PBX1: variants seen among roughly 807,000 people sequenced by gnomAD.
PBX1 encodes PBX homeobox 1.
Under a neutral mutation model 53.4 loss-of-function variants are expected in PBX1, and 6 were observed. The observed-to-expected ratio is 0.11, with a 90% CI of 0.06 to 0.22. The LOEUF is 0.22. Among genes scored for constraint, PBX1 ranks in the 10% least tolerant of loss-of-function variants. The pLI is 1.00. For synonymous variants in PBX1, 204 were observed against 212.3 expected, an observed-to-expected ratio of 0.96 and a Z score of 0.34; for missense variants, 251 against 551.4, an observed-to-expected ratio of 0.46 and a Z score of 5.46.
intron 2 of PBX1, among the ~76,000 whole-genome samples, chr1:164,858,447 GCACACACACA>G (rs4035257): frequency 8.3e-4 from 124 of 148,628 alleles, no homozygotes; most frequent in African/African-American, 2.8e-3. Context: ...CCCAGAGCCA[GCACACACACA>G]CACACACACA....
chr1:164,743,103 A>G (rs1434324699), intron 2 of PBX1, among the ~76,000 whole-genome samples: 1 of 152,226 alleles, frequency 6.6e-6, no homozygotes, highest in South Asian at 2.1e-4. Flanking sequence ...AAACCCAGCT[A>G]GCCTAAAGGG....
At position 164,780,934 on chromosome 1, in the gene PBX1, G is replaced by C. The variant is rs186690308; in HGVS notation, c.266-11560G>C. On this transcript the variant is annotated intron_variant, in intron 2 of 8. Transcript: ENST00000420696. Reference sequence around the variant, plus strand: ...CTCTTCCCTGTCAGTTAAAGGCTTAGTGCGTTCAGGGGCTACTTGGAAAGT... The same window carrying C: ...CTCTTCCCTGTCAGTTAAAGGCTTACTGCGTTCAGGGGCTACTTGGAAAGT... Among the ~76,000 whole-genome samples the C allele has an allele frequency of 1.4e-3, 218 of 152,332 alleles. No homozygotes were observed. In the Middle Eastern group the frequency reaches 0.02, roughly 14 times the overall value.
intron 2 of PBX1, among the ~76,000 whole-genome samples, chr1:164,784,877 C>A (rs1668101584): frequency 6.6e-6 from 1 of 152,188 alleles, no homozygotes. Context: ...ACTTGGCCTA[C>A]CTGCTTGGCA....
rs142266306 is a variant in PBX1 at position 164,878,149 on chromosome 1, A to C, written n.258-21039A>C. ...GGACTCAGTTTAGAGTTCGAATTCC[A>C]GTTCTGTCATTTGTTATCTGTGTGC... On this transcript the variant is annotated intron_variant and non_coding_transcript_variant, in intron 2 of 2. Transcript: ENST00000558796. 1.8e-3 allele frequency among the ~76,000 whole-genome samples: 275 copies of C among 152,296 alleles called. 2 individuals carry two copies. Among genetic ancestry groups the C allele is most frequent in the Middle Eastern group, 0.017 (5 of 294 alleles).
At position 164,849,791 on chromosome 1, in the gene PBX1, A is replaced by T. The variant is rs1211212188; in HGVS notation, c.*3115A>T. The T allele has an allele frequency of 5.1e-5, 12 of 236,594 alleles. No homozygotes were observed. The highest frequency in any genetic ancestry group is 8.3e-6 in the Non-Finnish European group (1 of 120,564). The allele number at this position is 236,594 out of a possible 1,614,324, so 14.7% of individuals were successfully genotyped here. On this transcript the variant is annotated 3_prime_UTR_variant, in exon 9 of 9. Coordinates refer to ENST00000420696, the MANE Select transcript of PBX1 (RefSeq NM_002585.4). The stretch of plus-strand genomic sequence containing the variant: ...CTTTATTTGCTGGTTGTCTTTTCTC[A>T]CACATCTTTCTCTCTGTCTCTCTCT...
At position 164,851,452 on chromosome 1, in the gene PBX1, CTT is replaced by C. The variant is rs1293525408; in HGVS notation, c.*4779_*4780del. 2 of 196,236 alleles carry C rather than the reference CTT, an allele frequency of 1.0e-5. No homozygotes were observed. The highest frequency in any genetic ancestry group is 2.3e-5 in the African/African-American group (1 of 43,164). 12.2% of individuals were successfully genotyped at this position (196,236 alleles called of 1,614,324 possible). Reference sequence around the variant, plus strand: ...TCCCTAGCTCAAAGCTTCCTGGAATCTTTTATTTTTTGTAAACTTTTTTTTCT... The same window carrying C: ...TCCCTAGCTCAAAGCTTCCTGGAATCTTATTTTTTGTAAACTTTTTTTTCT... On this transcript the variant is annotated 3_prime_UTR_variant, in exon 9 of 9. Coordinates refer to ENST00000420696, the MANE Select transcript of PBX1 (RefSeq NM_002585.4).
intron 2 of PBX1, among the ~76,000 whole-genome samples, chr1:164,658,107 C>T (rs1660266524): frequency 6.6e-6 from 1 of 150,908 alleles, no homozygotes; most frequent in African/African-American, 2.4e-5. Flanking sequence ...GACCCCTTCT[C>T]TCTTAACTCA....
At chr1:164,810,791 C>T (rs1010898744) in intron 5 of PBX1, among the ~76,000 whole-genome samples, 2 of 152,090 alleles carry the variant, frequency 1.3e-5, no homozygotes, top group African/African-American at 4.8e-5. Flanking sequence ...TCAGTGTTTA[C>T]AATAAATAAA....
chr1:164,823,153 T>G (rs1670244607), intron 8 of PBX1, among the ~76,000 whole-genome samples: 1 of 152,206 alleles, frequency 6.6e-6, no homozygotes, highest in South Asian at 2.1e-4. Context: ...TCATTTTACT[T>G]TCTTGGAAGG....
At chr1:164,695,801 C>T (rs770467083) in intron 2 of PBX1, among the ~76,000 whole-genome samples, 39 of 152,256 alleles carry the variant, frequency 2.6e-4, no homozygotes, top group African/African-American at 6.5e-4. Flanking sequence ...TAGATAAAAG[C>T]GAGAGAGCCC....
intron 2 of PBX1, among the ~76,000 whole-genome samples, chr1:164,659,248 A>G (rs1660347129): frequency 6.6e-6 from 1 of 152,214 alleles, no homozygotes; most frequent in Admixed American, 6.5e-5. Flanking sequence ...ATCGATTCAC[A>G]TCTCAGCTGG....
intron 2 of PBX1, among the ~76,000 whole-genome samples, chr1:164,688,664 A>G (rs928577931): frequency 6.6e-6 from 1 of 152,124 alleles, no homozygotes; most frequent in African/African-American, 2.4e-5. Context: ...TTCATCAATG[A>G]CACATGACCC....
chr1:164,715,588 G>T (rs1016655408), intron 2 of PBX1, among the ~76,000 whole-genome samples: 2 of 152,148 alleles, frequency 1.3e-5, no homozygotes, highest in African/African-American at 2.4e-5. Context: ...TTGTTGTCTA[G>T]TGCTTAGAAT....
intron 4 of PBX1, among the ~76,000 whole-genome samples, chr1:164,802,293 T>C (rs551714810): frequency 1.3e-5 from 2 of 152,352 alleles, no homozygotes; most frequent in South Asian, 4.1e-4. Context: ...AGCTGGATCC[T>C]CTGCCCTAAT....
At chr1:164,881,710 C>G (rs1187944196) in intron 2 of PBX1, among the ~76,000 whole-genome samples, 1 of 151,974 alleles carries the variant, frequency 6.6e-6, no homozygotes, top group Non-Finnish European at 1.5e-5. Flanking sequence ...TTCTGGCTGT[C>G]CAGCATCTGC....
chr1:164,850,969 T>A lies in PBX1; in HGVS notation c.*4293T>A, dbSNP rs1336614867. ...GAGAGTCCCGCAGGAGATGCTGGTATGATGGGCACCATTGGTTAAGTAAAC... is the reference window on the plus strand; with the variant it reads ...GAGAGTCCCGCAGGAGATGCTGGTAAGATGGGCACCATTGGTTAAGTAAAC... On this transcript the variant is annotated 3_prime_UTR_variant, in exon 9 of 9. Coordinates refer to ENST00000420696, the MANE Select transcript of PBX1 (RefSeq NM_002585.4). 1.8e-5 allele frequency: 4 copies of A among 218,284 alleles called. No homozygotes were observed. Among genetic ancestry groups the A allele is most frequent in the Non-Finnish European group, 3.7e-5 (4 of 108,548 alleles). The allele number at this position is 218,284 out of a possible 1,614,324, so 13.5% of individuals were successfully genotyped here.
At chr1:164,585,394 C>CA (rs1243920129) in intron 2 of PBX1, among the ~76,000 whole-genome samples, 1 of 152,204 alleles carries the variant, frequency 6.6e-6, no homozygotes, top group African/African-American at 2.4e-5. Flanking sequence ...GTGAGAAACT[C>CA]AGTTTTCCCT....
chr1:164,870,436 C>G (rs1672355606), intron 2 of PBX1, among the ~76,000 whole-genome samples: 1 of 151,608 alleles, frequency 6.6e-6, no homozygotes, highest in Admixed American at 6.6e-5. Flanking sequence ...CCTCTGCCTC[C>G]TGGGTTCAAG....
Position 164,698,991 on chromosome 1 carries a change from T to A in PBX1, c.266-93503T>A, listed in dbSNP as rs114388268. 9.2e-3 allele frequency among the ~76,000 whole-genome samples: 1,399 copies of A among 152,232 alleles called. 21 individuals are homozygous for A. The highest frequency in any genetic ancestry group is 0.032 in the African/African-American group (1,326 of 41,560). ...CAGCCCATGCTATCAGCTATAGCAC[T>A]ACAACCTCAGAAGAGGGGGAAACTT... On this transcript the variant is annotated intron_variant, in intron 2 of 8. Transcript: ENST00000420696.
Sources: allele counts gnomAD v4.1 joint callset (sites outside exome capture counted in the v4.1 genomes callset), GRCh38; gene constraint gnomAD v4.1.1; transcripts MANE v1.5; gene names NCBI Gene and HGNC (gene_info 2026-07-23, HGNC 2026-07-21).